SRP68: variants seen among roughly 807,000 people sequenced by gnomAD.
The protein encoded by SRP68 is signal recognition particle subunit SRP68.
Under a neutral mutation model 82.2 loss-of-function variants are expected in SRP68, and 15 were observed. The observed-to-expected ratio is 0.18, with a 90% CI of 0.12 to 0.28. The LOEUF (loss-of-function observed/expected upper bound fraction) is 0.28. Among genes scored for constraint, SRP68 ranks in the 10% least tolerant of loss-of-function variants. The pLI is 1.00. For missense variants in SRP68, 595 were observed against 780.5 expected, an observed-to-expected ratio of 0.76 and a Z score of 2.83; for synonymous variants, 261 against 292.6, an observed-to-expected ratio of 0.89 and a Z score of 1.10.
Position 76,071,932 on chromosome 17 carries a change from T to G in SRP68, c.184+376A>C. ...GTCTATGACGACTGTCAGACAAGAG[T>G]ATTAAGCCAAATGTCAAGACTGCAG... On this transcript the variant is annotated intron_variant, in intron 1 of 15. Coordinates refer to ENST00000307877, the MANE Select transcript of SRP68 (RefSeq NM_014230.4). This position sits in a 1 kb window ranked among gnomAD's most constrained non-coding sequence, Gnocchi z 4.7. The G allele has an allele frequency of 3.2e-6, 1 of 315,392 alleles. No individual in the cohort carries two copies. The highest frequency in any genetic ancestry group is 5.9e-6 in the Non-Finnish European group (1 of 170,288). 19.5% of individuals were successfully genotyped at this position (315,392 alleles called of 1,614,324 possible). A position where few individuals can be genotyped will look rare whatever the true frequency, so the allele number is the denominator to read the frequency against.
Position 76,043,873 on chromosome 17 carries a change from T to C in SRP68, c.1480A>G (p.Asn494Asp). Reference sequence around the variant, plus strand: ...GCGCCAGCATCAGAATTTACTTCATTTGCATATTTCAGGACTCTGTCATAC... The same window carrying C: ...GCGCCAGCATCAGAATTTACTTCATCTGCATATTTCAGGACTCTGTCATAC... ...VLYDRVLKYA[N>D]EVNSDAGAFK... Residue 494 changes from asparagine (N) to aspartate (D), a missense_variant, in exon 13 of 16, where the codon AAT (asparagine) becomes GAT (aspartate). Around this residue, in one of 2 missense-constraint regions of SRP68, gnomAD observed 495 missense variants for 688.6 expected, o/e 0.72. Transcript: ENST00000307877. 1 of 1,611,140 alleles carries C rather than the reference T, an allele frequency of 6.2e-7. No individual in the cohort carries two copies.
rs550765776 is a variant in SRP68 at position 76,039,152 on chromosome 17, A to G, written c.*554T>C. 152 of 333,212 alleles carry G rather than the reference A, an allele frequency of 4.6e-4. No homozygotes were observed. The highest frequency in any genetic ancestry group is 2.7e-3 in the African/African-American group (124 of 46,670). The allele number at this position is 333,212 out of a possible 1,614,324, so 20.6% of individuals were successfully genotyped here. On this transcript the variant is annotated 3_prime_UTR_variant, in exon 16 of 16. Coordinates refer to ENST00000307877, the MANE Select transcript of SRP68 (RefSeq NM_014230.4). ...ATAAGATTTGGTTTCATCATTTCTGAGTGTAACATATTTCTTCTAAAAATA... is the reference window on the plus strand; with the variant it reads ...ATAAGATTTGGTTTCATCATTTCTGGGTGTAACATATTTCTTCTAAAAATA...
At chr17:76,068,457 A>G (rs1029556649) in intron 2 of SRP68, among the ~76,000 whole-genome samples, 155 of 146,236 alleles carry the variant, frequency 1.1e-3, no homozygotes, top group Admixed American at 1.6e-3. Flanking sequence ...CTGTGTCTGA[A>G]AAAAAAAAAA....
At chr17:76,052,962 C>T (rs1255066845) in intron 8 of SRP68, among the ~76,000 whole-genome samples, 1 of 150,312 alleles carries the variant, frequency 6.7e-6, no homozygotes, top group Non-Finnish European at 1.5e-5. Flanking sequence ...GGCACCACTA[C>T]TTAAGAAACA....
At chr17:76,060,125 C>CAAAAAAAAAAAAA (rs1168111688) in intron 7 of SRP68, among the ~76,000 whole-genome samples, 183 bp downstream of exon 7, 1 of 28,790 alleles carries the variant, frequency 3.5e-5, no homozygotes, top group Non-Finnish European at 8.4e-5. Flanking sequence ...GACTCCATCT[C>CAAAAAAAAAAAAA]AAAAAAAAAA....
chr17:76,052,031 C>T (rs569410833), intron 8 of SRP68, among the ~76,000 whole-genome samples: 16 of 152,280 alleles, frequency 1.1e-4, no homozygotes, highest in African/African-American at 2.9e-4. Flanking sequence ...CCTCAGCCTC[C>T]GGAGTAGCTG....
At chr17:76,060,625 CCATAGA>C in intron 6 of SRP68, 1 of 468,892 alleles carries the variant, frequency 2.1e-6, no homozygotes, top group South Asian at 3.3e-5. Context: ...TTGTCCAAAC[CCATAGA>C]ATGTACAACA....
Position 76,072,327 on chromosome 17 carries a change from C to T in SRP68, c.165G>A (p.Gly55=), listed in dbSNP as rs2066859669. 5.0e-6 allele frequency: 8 copies of T among 1,612,404 alleles called. No homozygotes were observed. The highest frequency in any genetic ancestry group is 6.8e-6 in the Non-Finnish European group (8 of 1,179,528). ...GGATACTCTCCAAACTCAGGCTATC[C>T]CCAAATTCTTTGTTTGCCTTCGATC... The part of the protein sequence containing the change: ...SAGSKANKEF[G]DSLSLEILQI... Residue 55 remains glycine (G), a synonymous_variant, in exon 1 of 16, where the codon GGG becomes GGA. Transcript: ENST00000307877. The surrounding 1 kb of genome is among the most constrained non-coding windows in gnomAD (Gnocchi z 4.5).
chr17:76,053,281 AAAAAG>A (rs2066688703), intron 8 of SRP68, among the ~76,000 whole-genome samples: 1 of 151,598 alleles, frequency 6.6e-6, no homozygotes, highest in Non-Finnish European at 1.5e-5. Flanking sequence ...AAAAAAAAAA[AAAAAG>A]AAACACACAT....
chr17:76,063,686 T>TC (rs112370162), intron 4 of SRP68, among the ~76,000 whole-genome samples: 3 of 141,034 alleles, frequency 2.1e-5, no homozygotes, highest in African/African-American at 2.6e-5. Context: ...AGACTCTGTC[T>TC]GAAAAAAAAA....
rs766005501 is a variant in SRP68, at chr17:76,067,242, T to C, written c.340A>G (p.Thr114Ala). ...CTATTATCGGTCAGAAGCTCTTCAG[T>C]CACTTTCTTCCCTGTGAATTTGTGT... The part of the protein sequence containing the change: ...NRHKFTGKKV[T>A]EELLTDNRYL... Residue 114 changes from threonine to alanine, a missense_variant, in exon 3 of 16, where the codon ACT (threonine) becomes GCT (alanine). Thr to Ala is a moderately conservative substitution (Grantham distance 58). This residue lies in a region of SRP68 where 495 missense variants were observed against 688.6 expected (regional missense o/e 0.72). Transcript: ENST00000307877. 9 of 1,613,612 alleles carry C rather than the reference T, an allele frequency of 5.6e-6. No individual in the cohort carries two copies. The highest frequency in any genetic ancestry group is 7.6e-6 in the Non-Finnish European group (9 of 1,179,774).
intron 8 of SRP68, among the ~76,000 whole-genome samples, chr17:76,052,538 C>T (rs2066680877): frequency 6.6e-6 from 1 of 152,190 alleles, no homozygotes; most frequent in Non-Finnish European, 1.5e-5. Flanking sequence ...GGCGCGGTGG[C>T]TCACGCCTGT....
chr17:76,039,704 G>A lies in SRP68; in HGVS notation c.*2C>T. 4 of 1,610,884 alleles carry A rather than the reference G, an allele frequency of 2.5e-6. No individual in the cohort carries two copies. The highest frequency in any genetic ancestry group is 3.4e-6 in the Non-Finnish European group (4 of 1,177,154). On this transcript the variant is annotated 3_prime_UTR_variant, in exon 16 of 16. Coordinates refer to ENST00000307877, the MANE Select transcript of SRP68 (RefSeq NM_014230.4). ...CTCCCCCGCCCCCGAGGAAGAGCCTGGTTAGCTCCTGAATCCAAAGATGCC... is the reference window on the plus strand; with the variant it reads ...CTCCCCCGCCCCCGAGGAAGAGCCTAGTTAGCTCCTGAATCCAAAGATGCC...
Position 76,072,185 on chromosome 17 carries a change from G to A in SRP68, c.184+123C>T. The stretch of plus-strand genomic sequence containing the variant: ...ATTCTGAGCACCAAAAGGTAAGGGC[G>A]AGAGAAACTGCAACCCTCGGCCTCT... On this transcript the variant is annotated intron_variant, in intron 1 of 15. Coordinates refer to ENST00000307877, the MANE Select transcript of SRP68 (RefSeq NM_014230.4). This position sits in a 1 kb window ranked among gnomAD's most constrained non-coding sequence, Gnocchi z 4.5. 6.4e-7 allele frequency: 1 copy of A among 1,553,508 alleles called. No individual in the cohort carries two copies. The highest frequency in any genetic ancestry group is 1.2e-5 in the South Asian group (1 of 84,648).
chr17:76,053,423 C>G (rs2066690144), intron 8 of SRP68: 2 of 984,218 alleles, frequency 2.0e-6, no homozygotes, highest in South Asian at 9.4e-5. Flanking sequence ...AACCGGCGTT[C>G]AAGAAAAGAG....
intron 12 of SRP68, 42 bp downstream of exon 12, chr17:76,045,250 C>T: frequency 6.7e-7 from 1 of 1,502,888 alleles, no homozygotes; most frequent in Non-Finnish European, 9.3e-7. Context: ...GCTTATAGAA[C>T]CTGGGAGGCG....
At chr17:76,040,058 G>T (rs923253661) in intron 15 of SRP68, 125 bp from the exon 16 acceptor site, 3 of 921,326 alleles carry the variant, frequency 3.3e-6, no homozygotes, top group African/African-American at 3.3e-5. Context: ...ACTCAATCCC[G>T]ACAGCCTCCT....
At chr17:76,068,287 C>T (rs916255999) in intron 2 of SRP68, among the ~76,000 whole-genome samples, 5 of 150,212 alleles carry the variant, frequency 3.3e-5, no homozygotes, top group African/African-American at 1.2e-4. Context: ...AGTAAAACTC[C>T]GTCTCGAAAA....
intron 8 of SRP68, among the ~76,000 whole-genome samples, chr17:76,055,018 G>A (rs531543030): frequency 8.6e-5 from 13 of 151,322 alleles, no homozygotes; most frequent in African/African-American, 3.1e-4. Flanking sequence ...GTGCAATGGC[G>A]CAATCTCGGC....
Sources: gnomAD v4.1 joint callset for allele counts (sites outside exome capture counted in the v4.1 genomes callset) on GRCh38, gnomAD v4.1.1 for gene constraint, gnomAD v4.1.1 regional missense constraint, Gnocchi (gnomAD v3.1) non-coding constraint, MANE v1.5 for transcripts, NCBI Gene and HGNC (gene_info 2026-07-23, HGNC 2026-07-21) for gene names.